Variants in SEMA3D observed in about 807,000 individuals in gnomAD.
The protein encoded by SEMA3D is semaphorin 3D.
A neutral mutation model predicts 100.1 loss-of-function variants in SEMA3D; 84 were observed. That is an observed-to-expected ratio of 0.84 (90% CI 0.70 to 1.01). SEMA3D has a LOEUF of 1.01. Ranked by LOEUF, SEMA3D falls within the 50% of genes least tolerant of loss-of-function variation. The pLI, the probability that SEMA3D is intolerant of heterozygous loss-of-function variation, is 0.00. For missense variants in SEMA3D, 875 were observed against 934.1 expected (o/e 0.94, Z 0.82); for synonymous variants, 312 against 320.7 (o/e 0.97, Z 0.29).
the SEMA3D span, among the ~76,000 whole-genome samples, chr7:85,194,505 A>T: frequency 1.1e-4 from 2 of 17,630 alleles, no homozygotes; most frequent in Non-Finnish European, 1.8e-4. Flanking sequence ...TGCAAACAGA[A>T]AAAAAAATAG....
intron 16 of SEMA3D, 98 bp downstream of exon 16, chr7:85,014,961 A>G (rs1221437880): frequency 2.4e-6 from 2 of 831,804 alleles, no homozygotes; most frequent in African/African-American, 1.7e-5. Flanking sequence ...TGTTAGTAAT[A>G]TATTTTCTCT....
At chr7:85,100,965 T>C (rs891063873) in intron 3 of SEMA3D, among the ~76,000 whole-genome samples, 9 of 151,940 alleles carry the variant, frequency 5.9e-5, no homozygotes, top group African/African-American at 1.7e-4. Flanking sequence ...ATACTAATTA[T>C]TTTTCTATTA....
At chr7:85,007,023 G>T in intron 17 of SEMA3D, 82 bp from the exon 18 acceptor site, 1 of 1,023,812 alleles carries the variant, frequency 9.8e-7, no homozygotes, top group Non-Finnish European at 1.4e-6. Flanking sequence ...CAGAACAGAT[G>T]CCATGGGGAA....
At chr7:85,131,335 C>T (rs927291646) in intron 2 of SEMA3D, among the ~76,000 whole-genome samples, 6 of 151,738 alleles carry the variant, frequency 4.0e-5, no homozygotes, top group South Asian at 2.1e-4. Context: ...ATAGTTTAAA[C>T]GGGGAGAATG....
chr7:85,058,934 C>A (rs2116103295), intron 8 of SEMA3D, among the ~76,000 whole-genome samples: 1 of 151,964 alleles, frequency 6.6e-6, no homozygotes, highest in South Asian at 2.1e-4. Flanking sequence ...TAAGAACTGA[C>A]ACTCTATATC....
intron 5 of SEMA3D, among the ~76,000 whole-genome samples, chr7:85,075,025 T>C (rs1791883903): frequency 6.6e-6 from 1 of 152,184 alleles, no homozygotes; most frequent in Non-Finnish European, 1.5e-5. Flanking sequence ...ATTGATGACC[T>C]CATGGCTAGA....
intron 9 of SEMA3D, among the ~76,000 whole-genome samples, chr7:85,055,256 C>G (rs1422667443): frequency 6.6e-6 from 1 of 151,904 alleles, no homozygotes; most frequent in Non-Finnish European, 1.5e-5. Flanking sequence ...TTAAATTACT[C>G]TAGGGATTAC....
intron 5 of SEMA3D, 70 bp from the exon 6 acceptor site, chr7:85,073,151 C>A (rs1362487187): frequency 2.9e-6 from 4 of 1,393,254 alleles, no homozygotes; most frequent in African/African-American, 2.9e-5. Context: ...TTTATGCCAC[C>A]TGTTTTCCAA....
chr7:85,066,913 C>CAGAGAGAGAGAGAGAGAGAGAG (rs201123647), intron 7 of SEMA3D, among the ~76,000 whole-genome samples: 1 of 127,748 alleles, frequency 7.8e-6, no homozygotes, highest in Non-Finnish European at 1.6e-5. Context: ...CACACACACA[C>CAGAGAGAGAGAGAGAGAGAGAG]AGAGAGAGAG....
intron 9 of SEMA3D, chr7:85,050,461 A>G (rs1044394419): frequency 8.6e-5 from 23 of 266,312 alleles, no homozygotes; most frequent in African/African-American, 4.8e-4. Flanking sequence ...TAGGAACACT[A>G]CTAAAAATAA....
chr7:85,004,111 A>C (rs1376612851), intron 18 of SEMA3D, among the ~76,000 whole-genome samples: 1 of 152,050 alleles, frequency 6.6e-6, no homozygotes, highest in Non-Finnish European at 1.5e-5. Context: ...TAACTACGGC[A>C]TCAGGGTAGG....
At chr7:85,113,631 CTT>C (rs1789156885) in intron 3 of SEMA3D, among the ~76,000 whole-genome samples, 1 of 150,716 alleles carries the variant, frequency 6.6e-6, no homozygotes, top group African/African-American at 2.5e-5. Context: ...ATTAGCTGGG[CTT>C]GGTGGCACGC....
chr7:85,118,634 A>G (rs1789316362), intron 3 of SEMA3D, among the ~76,000 whole-genome samples: 1 of 152,034 alleles, frequency 6.6e-6, no homozygotes, highest in Admixed American at 6.6e-5. Context: ...ACCCTTGTAA[A>G]TTTGTTTAAG....
At chr7:85,047,884 G>GC (rs1206186253) in intron 9 of SEMA3D, among the ~76,000 whole-genome samples, 1 of 151,770 alleles carries the variant, frequency 6.6e-6, no homozygotes, top group Non-Finnish European at 1.5e-5. Context: ...CTTTGTGCAA[G>GC]CAAGAGAATG....
chr7:85,116,157 C>A (rs1317431232), intron 3 of SEMA3D, among the ~76,000 whole-genome samples: 1 of 150,112 alleles, frequency 6.7e-6, no homozygotes, highest in African/African-American at 2.4e-5. Flanking sequence ...TTTCTATTAT[C>A]AATTTGTTTC....
At chr7:85,214,850 A>G in the SEMA3D span, among the ~76,000 whole-genome samples, 1 of 152,144 alleles carries the variant, frequency 6.6e-6, no homozygotes, top group Non-Finnish European at 1.5e-5. Flanking sequence ...TATAAACCCA[A>G]TATCAAGCAT....
At chr7:85,015,596 G>T (rs1487868557) in intron 15 of SEMA3D, among the ~76,000 whole-genome samples, 1 of 151,722 alleles carries the variant, frequency 6.6e-6, no homozygotes, top group African/African-American at 2.4e-5. Context: ...ACTTCCCATG[G>T]CTCCTTATAT....
Position 85,004,000 on chromosome 7 carries a change from ATAGT to A in SEMA3D, c.1908+2798_1908+2801del, listed in dbSNP as rs1253578372. On this transcript the variant is annotated intron_variant, in intron 18 of 18. Coordinates refer to ENST00000284136, the MANE Select transcript of SEMA3D (RefSeq NM_001384900.1). ...CTTCTAAGATTTTTTTCCTAAGAAA[ATAGT>A]TAGAAAGCAGAGAAAGACTCAGATA... Among the ~76,000 whole-genome samples the A allele has an allele frequency of 7.2e-5, 11 of 152,248 alleles. No homozygotes were observed. In the East Asian group the frequency reaches 1.7e-3, roughly 24 times the overall value.
At chr7:85,226,102 T>C in the SEMA3D span, among the ~76,000 whole-genome samples, 1 of 152,176 alleles carries the variant, frequency 6.6e-6, no homozygotes, top group Non-Finnish European at 1.5e-5. Context: ...ACATTATTAG[T>C]ACATTTTCTT....
Sources: allele counts gnomAD v4.1 joint callset (sites outside exome capture counted in the v4.1 genomes callset), GRCh38; gene constraint gnomAD v4.1.1; transcripts MANE v1.5; gene names NCBI Gene and HGNC (gene_info 2026-07-23, HGNC 2026-07-21).